Variants in ARSH observed in about 807,000 individuals in gnomAD.
The protein encoded by ARSH is arylsulfatase H.
A neutral mutation model predicts 28.7 loss-of-function variants in ARSH; 32 were observed. That is an observed-to-expected ratio of 1.11 (90% CI 0.84 to 1.50). The LOEUF (loss-of-function observed/expected upper bound fraction) is 1.50, where lower values mean the gene tolerates loss of function less well. Among genes scored for constraint, ARSH ranks in the 40% most tolerant of loss-of-function variants. The pLI is 0.00. For missense variants in ARSH, 440 were observed against 452.4 expected, an observed-to-expected ratio of 0.97 and a Z score of 0.25; for synonymous variants, 176 against 177.3, an observed-to-expected ratio of 0.99 and a Z score of 0.06.
intron 4 of ARSH, among the ~76,000 whole-genome samples, chrX:3,017,887 G>A (rs1272697000): frequency 8.9e-6 from 1 of 112,445 alleles, no homozygotes; most frequent in East Asian, 2.8e-4. Flanking sequence ...AATAGATGAG[G>A]AGAATTCATA....
chrX:3,011,131 G>C (rs2147452216), intron 2 of ARSH, among the ~76,000 whole-genome samples: 1 of 110,952 alleles, frequency 9.0e-6, no homozygotes, highest in Non-Finnish European at 1.9e-5. Context: ...TAGATAAGCA[G>C]TCTCTATATA....
At chrX:3,013,270 G>C (rs897788625) in intron 3 of ARSH, 98 bp downstream of exon 3, 23 of 965,520 alleles carry the variant, frequency 2.4e-5, no homozygotes, top group South Asian at 5.1e-5. Flanking sequence ...GTGCGCGCCA[G>C]TTTGACCGAC....
intron 5 of ARSH, among the ~76,000 whole-genome samples, chrX:3,019,484 G>A (rs748577799): frequency 9.0e-6 from 1 of 111,058 alleles, no homozygotes; most frequent in African/African-American, 3.3e-5. Context: ...GTTACTGTAT[G>A]CATTCCAGAA....
rs1330153077 is a variant in ARSH at position 3,010,052 on chromosome X, G to A, written c.115G>A (p.Ala39Thr). The A allele has an allele frequency of 8.3e-7, 1 of 1,211,048 alleles. No individual in the cohort carries two copies. The highest frequency in any genetic ancestry group is 2.2e-5 in the Admixed American group (1 of 45,950). The change falls in exon 2 of 9, where the codon GCA becomes ACA. Residue 39 changes from alanine (A) to threonine (T), a missense_variant. Transcript: ENST00000381130. ...SVSTPNIDRLASEGVRLTQHL... is the reference protein window; with the variant it reads ...SVSTPNIDRLTSEGVRLTQHL... ...CAGCACACCTAATATTGACCGCCTGGCAAGTGAAGGAGTGAGGCTTACCCA... is the reference window on the plus strand; with the variant it reads ...CAGCACACCTAATATTGACCGCCTGACAAGTGAAGGAGTGAGGCTTACCCA...
At chrX:3,016,409 T>TC (rs2089866571) in intron 4 of ARSH, among the ~76,000 whole-genome samples, 1 of 111,332 alleles carries the variant, frequency 9.0e-6, no homozygotes, top group Non-Finnish European at 1.9e-5. Flanking sequence ...AAATTTTTTT[T>TC]CTCTGTCTCA....
chrX:3,025,940 G>A (rs1056040384), intron 6 of ARSH, among the ~76,000 whole-genome samples: 3 of 110,816 alleles, frequency 2.7e-5, no homozygotes, highest in African/African-American at 9.8e-5. Context: ...TCAGGCTTTG[G>A]GACAGGATGC....
chrX:3,020,495 A>G (rs1436709397), intron 5 of ARSH, among the ~76,000 whole-genome samples: 5 of 97,809 alleles, frequency 5.1e-5, no homozygotes, highest in Admixed American at 3.7e-4. Flanking sequence ...AGGCTGAGGC[A>G]GGAGAATGGC....
intron 4 of ARSH, among the ~76,000 whole-genome samples, chrX:3,016,429 G>A (rs534751875): frequency 9.0e-6 from 1 of 111,233 alleles, no homozygotes; most frequent in East Asian, 2.8e-4. Flanking sequence ...AGACACAGCC[G>A]GAAGAGCTCT....
intron 6 of ARSH, 103 bp from the exon 7 acceptor site, chrX:3,027,210 T>A: frequency 1.1e-6 from 1 of 906,564 alleles, no homozygotes; most frequent in South Asian, 2.4e-5. Context: ...TCCGCCCACC[T>A]CGGCCCCCCA....
At chrX:3,029,135 T>G in intron 7 of ARSH, 112 bp from the exon 8 acceptor site, 3 of 808,373 alleles carry the variant, frequency 3.7e-6, no homozygotes, top group Non-Finnish European at 5.1e-6. Flanking sequence ...CTCCTTCTCT[T>G]CCTCCCCTTC....
chrX:3,022,611 G>A (rs1423717458), intron 5 of ARSH, among the ~76,000 whole-genome samples: 4 of 111,935 alleles, frequency 3.6e-5, no homozygotes, highest in Non-Finnish European at 7.5e-5. Context: ...ACATCAGAAA[G>A]GAAATGAATG....
chrX:3,025,701 T>C (rs1159136458), intron 6 of ARSH, among the ~76,000 whole-genome samples: 1 of 110,277 alleles, frequency 9.1e-6, no homozygotes, highest in African/African-American at 3.3e-5. Context: ...TAGCAAAGAC[T>C]AAATTGGTGC....
rs909289883 is a variant in ARSH, at chrX:3,013,081, C to T, written c.249C>T (p.Phe83=). The T allele has an allele frequency of 4.1e-6, 5 of 1,209,205 alleles. No individual in the cohort carries two copies. Among genetic ancestry groups the T allele is most frequent in the Non-Finnish European group, 5.6e-6 (5 of 894,882 alleles). The stretch of plus-strand genomic sequence containing the variant: ...CTGCCTACAACCTGAACCGTGCCTT[C>T]ACGTGGCTTGGTGGGTCAGGTGGTC... ...MVSAYNLNRA[F]TWLGGSGGLP... is the part of the protein sequence containing the mutation. Residue 83 remains phenylalanine (F), a synonymous_variant, in exon 3 of 9, where the codon TTC becomes TTT. Coordinates refer to ENST00000381130, the MANE Select transcript of ARSH (RefSeq NM_001011719.2).
In ARSH at chrX:3,015,388, T is replaced by C; in HGVS notation, c.759T>C (p.Ile253=). ...TGCTGAAGGAGGCACTTGCTTTCAT[T>C]GAAAGGTATTTAGCCATTTCTTGCC... is the stretch of plus-strand genomic sequence containing the variant. The part of the protein sequence containing the change: ...SLMLKEALAF[I]ERYKREPFLL... The change falls in exon 4 of 9, where the codon ATT becomes ATC. Residue 253 remains isoleucine, a synonymous_variant. Transcript: ENST00000381130. 8.3e-7 allele frequency: 1 copy of C among 1,209,180 alleles called. No homozygotes were observed. The highest frequency in any genetic ancestry group is 1.1e-6 in the Non-Finnish European group (1 of 894,341).
intron 1 of ARSH, among the ~76,000 whole-genome samples, chrX:3,009,236 G>T (rs2089839418): frequency 1.8e-5 from 2 of 110,378 alleles, no homozygotes; most frequent in South Asian, 7.8e-4. Flanking sequence ...CAGCAGTTTG[G>T]GAGGCTGGGG....
At chrX:3,023,817 A>G (rs913343479) in intron 5 of ARSH, among the ~76,000 whole-genome samples, 3 of 108,782 alleles carry the variant, frequency 2.8e-5, no homozygotes, top group African/African-American at 9.9e-5. Flanking sequence ...TAACTGCTGG[A>G]TATAATATAT....
chrX:3,019,752 G>A (rs1335876998), intron 5 of ARSH, among the ~76,000 whole-genome samples: 1 of 111,075 alleles, frequency 9.0e-6, no homozygotes, highest in Non-Finnish European at 1.9e-5. Flanking sequence ...TGCATTTAAG[G>A]GGTGTTAATC....
intron 3 of ARSH, 121 bp from the exon 4 acceptor site, chrX:3,014,849 A>G (rs1351494834): frequency 4.2e-6 from 3 of 716,181 alleles, no homozygotes; most frequent in African/African-American, 2.2e-5. Flanking sequence ...TCAAGAAAAA[A>G]CCATGATGAC....
chrX:3,006,723 C>CCCCT lies in ARSH; in HGVS notation c.92+24_92+27dup, dbSNP rs746004928. 29 of 1,159,489 alleles carry CCCCT rather than the reference C, an allele frequency of 2.5e-5. No individual in the cohort carries two copies. In the South Asian group the frequency reaches 5.3e-4, roughly 21 times the overall value. The stretch of plus-strand genomic sequence containing the variant: ...CAGTGAGGTAAAGATGGACTCTGAC[C>CCCCT]CCCTCCCTGTATGTGGGAGTCTCCC... On this transcript the variant is annotated intron_variant, in intron 1 of 8. Transcript: ENST00000381130.
Sources: gnomAD v4.1 joint callset for allele counts (sites outside exome capture counted in the v4.1 genomes callset) on GRCh38, gnomAD v4.1.1 for gene constraint, MANE v1.5 for transcripts, NCBI Gene and HGNC (gene_info 2026-07-23, HGNC 2026-07-21) for gene names.